Variants in SHISA9 observed in about 807,000 individuals in gnomAD.
SHISA9 encodes protein shisa-9.
A neutral mutation model predicts 38.0 loss-of-function variants in SHISA9; 13 were observed. That is an observed-to-expected ratio of 0.34 (90% CI 0.22 to 0.54). SHISA9 has a LOEUF of 0.54. SHISA9 is among the 20% of genes least tolerant of loss of function. SHISA9 has a pLI of 0.91. For synonymous variants in SHISA9, 275 were observed against 242.0 expected (o/e 1.14, Z -1.27); for missense variants, 538 against 575.8 (o/e 0.93, Z 0.67).
intron 4 of SHISA9, among the ~76,000 whole-genome samples, chr16:13,217,171 G>A (rs890157458): frequency 5.3e-5 from 8 of 151,816 alleles, no homozygotes; most frequent in Non-Finnish European, 1.0e-4. Flanking sequence ...CCAGCTACTC[G>A]GGAGGCTGAG....
chr16:13,179,277 A>C (rs1230344796), intron 2 of SHISA9, among the ~76,000 whole-genome samples: 1 of 152,202 alleles, frequency 6.6e-6, no homozygotes, highest in Non-Finnish European at 1.5e-5. Context: ...ACACCACTGC[A>C]CCCCAGCCCA....
Position 13,002,307 on chromosome 16 carries a change from G to A in SHISA9, c.691+85492G>A, listed in dbSNP as rs115657556. Reference sequence around the variant, plus strand: ...AATCCCTAAACAGTGACCTTTTATTGATCCTTTAATATGTGCCAGGCATGG... The same window carrying A: ...AATCCCTAAACAGTGACCTTTTATTAATCCTTTAATATGTGCCAGGCATGG... On this transcript the variant is annotated intron_variant, in intron 2 of 4. Transcript: ENST00000558583. Among the ~76,000 whole-genome samples the A allele has an allele frequency of 5.5e-3, 842 of 152,222 alleles. 9 individuals are homozygous for A. Among genetic ancestry groups the A allele is most frequent in the African/African-American group, 0.019 (808 of 41,534 alleles).
chr16:13,406,287 C>T, the SHISA9 span, among the ~76,000 whole-genome samples: 2 of 152,210 alleles, frequency 1.3e-5, no homozygotes, highest in Non-Finnish European at 2.9e-5. Flanking sequence ...AGCTCACACT[C>T]TGTCTCTAAA....
the SHISA9 span, among the ~76,000 whole-genome samples, chr16:13,271,999 A>T: frequency 6.6e-6 from 1 of 152,008 alleles, no homozygotes; most frequent in Admixed American, 6.6e-5. Context: ...GAGTCACTTA[A>T]ACCCAGGAAG....
the SHISA9 span, among the ~76,000 whole-genome samples, chr16:13,295,734 C>T: frequency 1.3e-5 from 2 of 152,048 alleles, no homozygotes; most frequent in African/African-American, 2.4e-5. Flanking sequence ...AGAAAGAGAT[C>T]CCTAAGGAGG....
intron 2 of SHISA9, among the ~76,000 whole-genome samples, chr16:13,161,330 T>C (rs1448823907): frequency 6.6e-6 from 1 of 152,156 alleles, no homozygotes; most frequent in East Asian, 1.9e-4. Flanking sequence ...TGTTTTGGAC[T>C]CATCTGCCCA....
At chr16:13,047,391 G>T (rs1359943466) in intron 2 of SHISA9, among the ~76,000 whole-genome samples, 1 of 151,934 alleles carries the variant, frequency 6.6e-6, no homozygotes, top group Non-Finnish European at 1.5e-5. Flanking sequence ...GCCTTCAGCT[G>T]GGCTTCTGCT....
In SHISA9 at chr16:12,940,768, T is replaced by C. The variant is rs115620476; in HGVS notation, c.691+23953T>C. ...CAAATCCATGGGTTCTGTCTCTTTC[T>C]AATGGTGTAACCTCGGGGGAGGTGC... On this transcript the variant is annotated intron_variant, in intron 2 of 4. Transcript: ENST00000558583. Among the ~76,000 whole-genome samples the C allele has an allele frequency of 4.4e-3, 668 of 152,324 alleles. 2 individuals carry two copies. The highest frequency in any genetic ancestry group is 0.016 in the African/African-American group (648 of 41,576).
the SHISA9 span, among the ~76,000 whole-genome samples, chr16:13,375,023 A>AT: frequency 1.5e-4 from 23 of 151,562 alleles, no homozygotes; most frequent in African/African-American, 3.9e-4. Flanking sequence ...GGGTTGTTTG[A>AT]TTTTTTCTCG....
At chr16:13,109,249 C>G (rs987284379) in intron 2 of SHISA9, among the ~76,000 whole-genome samples, 2 of 151,970 alleles carry the variant, frequency 1.3e-5, no homozygotes, top group Non-Finnish European at 2.9e-5. Flanking sequence ...TGACCTTGAA[C>G]TCCTGGGCTC....
At chr16:13,056,696 C>G (rs2073314483) in intron 2 of SHISA9, among the ~76,000 whole-genome samples, 1 of 152,208 alleles carries the variant, frequency 6.6e-6, no homozygotes, top group Non-Finnish European at 1.5e-5. Context: ...TCCCATAAAA[C>G]TTGCCTTCCG....
chr16:13,295,997 A>C, the SHISA9 span, among the ~76,000 whole-genome samples: 3 of 152,318 alleles, frequency 2.0e-5, no homozygotes, highest in African/African-American at 4.8e-5. Flanking sequence ...TATTAGCTAG[A>C]AAACGGGAAG....
intron 2 of SHISA9, among the ~76,000 whole-genome samples, chr16:12,950,499 G>A (rs2071740187): frequency 6.6e-6 from 1 of 152,282 alleles, no homozygotes; most frequent in Non-Finnish European, 1.5e-5. Flanking sequence ...AGGATGTGGA[G>A]AAAAAGGAAC....
At chr16:13,228,127 G>C (rs534879681) in intron 4 of SHISA9, among the ~76,000 whole-genome samples, 1 of 152,196 alleles carries the variant, frequency 6.6e-6, no homozygotes, top group South Asian at 2.1e-4. Flanking sequence ...GGCATAAATG[G>C]TTAAGTGGTG....
chr16:12,970,479 A>ATATATT (rs2072061057), intron 2 of SHISA9, among the ~76,000 whole-genome samples: 1 of 19,464 alleles, frequency 5.1e-5, no homozygotes, highest in Non-Finnish European at 9.4e-5. Flanking sequence ...GTATATATAT[A>ATATATT]TATATATATA....
At chr16:13,225,641 C>A (rs374318660) in intron 4 of SHISA9, among the ~76,000 whole-genome samples, 5 of 152,260 alleles carry the variant, frequency 3.3e-5, no homozygotes, top group African/African-American at 1.2e-4. Flanking sequence ...GTGGTAGGAA[C>A]CCCTCCCTAA....
At chr16:13,245,581 T>C in the SHISA9 span, among the ~76,000 whole-genome samples, 1 of 152,234 alleles carries the variant, frequency 6.6e-6, no homozygotes, top group South Asian at 2.1e-4. Flanking sequence ...TCCTATAACC[T>C]CACAAAATTG....
the SHISA9 span, among the ~76,000 whole-genome samples, chr16:13,447,892 T>C: frequency 6.6e-6 from 1 of 152,242 alleles, no homozygotes; most frequent in Non-Finnish European, 1.5e-5. Context: ...TTGCATGCCC[T>C]TCATTTGAAC....
the SHISA9 span, among the ~76,000 whole-genome samples, chr16:13,417,950 C>A: frequency 6.6e-6 from 1 of 152,214 alleles, no homozygotes; most frequent in Non-Finnish European, 1.5e-5. Flanking sequence ...GCCAATGATA[C>A]CCTACCTAAA....
Sources: gnomAD v4.1 joint callset for allele counts (sites outside exome capture counted in the v4.1 genomes callset) on GRCh38, gnomAD v4.1.1 for gene constraint, MANE v1.5 for transcripts, NCBI Gene and HGNC (gene_info 2026-07-23, HGNC 2026-07-21) for gene names.